Variants in DDX52 observed in about 807,000 individuals in gnomAD.
DDX52 encodes DExD-box helicase 52.
Under a neutral mutation model 76.1 loss-of-function variants are expected in DDX52, and 59 were observed. The ratio of observed to expected loss-of-function variants is 0.78; its 90% confidence interval spans 0.63 to 0.96. The LOEUF is 0.96. Ranked by LOEUF, DDX52 falls within the 40% of genes least tolerant of loss-of-function variation. DDX52 has a pLI of 0.00. For synonymous variants in DDX52, 231 were observed against 244.1 expected (o/e 0.95, Z 0.50); for missense variants, 707 against 703.9 (o/e 1.00, Z -0.05).
In DDX52 at chr17:37,642,241, T is replaced by C. The variant is rs777009856; in HGVS notation, c.155A>G (p.Lys52Arg). Residue 52 changes from lysine to arginine, a missense_variant, in exon 2 of 15, where the codon AAG (lysine) becomes AGG (arginine). Lys to Arg is a conservative substitution (Grantham distance 26). Coordinates refer to ENST00000617633, the MANE Select transcript of DDX52 (RefSeq NM_007010.5). ...VLQGLDFFGN[K>R]KSVPGVCGAS... is the part of the protein sequence containing the mutation. ...TCCACACACACCTGGGACAGACTTC[T>C]TGTTTCCAAAAAAGTCCAGTCCCTG... is the stretch of plus-strand genomic sequence containing the variant. 4 of 1,614,058 alleles carry C rather than the reference T, an allele frequency of 2.5e-6. No homozygotes were observed. The highest frequency in any genetic ancestry group is 1.3e-5 in the African/African-American group (1 of 74,918).
At chr17:37,637,625 A>G (rs2030993744) in intron 2 of DDX52, among the ~76,000 whole-genome samples, 1 of 151,278 alleles carries the variant, frequency 6.6e-6, no homozygotes, top group Non-Finnish European at 1.5e-5. Context: ...CCCAGGCTGG[A>G]GTGCAATGGC....
At chr17:37,615,845 C>G (rs546575094) in intron 14 of DDX52, among the ~76,000 whole-genome samples, 17 of 152,076 alleles carry the variant, frequency 1.1e-4, no homozygotes, top group African/African-American at 3.9e-4. Context: ...GAAACCCCGT[C>G]TCTACTAAAA....
At chr17:37,631,579 T>A (rs1394510634) in intron 4 of DDX52, 1 of 155,854 alleles carries the variant, frequency 6.4e-6, no homozygotes, top group Non-Finnish European at 1.4e-5. Flanking sequence ...TGAAACTCAC[T>A]AAACTGGGCA....
chr17:37,620,713 T>C (rs1424241396), intron 12 of DDX52, 160 bp downstream of exon 12: 1 of 567,062 alleles, frequency 1.8e-6, no homozygotes, highest in East Asian at 3.3e-5. Flanking sequence ...CAAGGCCTTT[T>C]GATCATTTTT....
intron 2 of DDX52, among the ~76,000 whole-genome samples, 162 bp from the exon 3 acceptor site, chr17:37,633,580 T>G (rs1414327404): frequency 6.6e-6 from 1 of 150,504 alleles, no homozygotes; most frequent in Non-Finnish European, 1.5e-5. Context: ...CATTTGAGCC[T>G]GGGAGGTTGA....
At chr17:37,623,551 T>C (rs2030209425) in intron 9 of DDX52, among the ~76,000 whole-genome samples, 1 of 152,232 alleles carries the variant, frequency 6.6e-6, no homozygotes, top group African/African-American at 2.4e-5. Flanking sequence ...ACTGCTTCAT[T>C]AGTCTTCAAA....
chr17:37,631,995 G>T, intron 4 of DDX52, 118 bp downstream of exon 4: 1 of 1,408,316 alleles, frequency 7.1e-7, no homozygotes, highest in Non-Finnish European at 9.9e-7. Flanking sequence ...TTAAAAGGAA[G>T]TGAAGGATTT....
At chr17:37,636,453 G>A (rs567584562) in intron 2 of DDX52, among the ~76,000 whole-genome samples, 1 of 152,216 alleles carries the variant, frequency 6.6e-6, no homozygotes, top group African/African-American at 2.4e-5. Flanking sequence ...TCTTCAAAAA[G>A]TTCATGGAAA....
rs777201658 is a variant in DDX52 at position 37,630,063 on chromosome 17, C to A, written c.714G>T (p.Leu238=). Residue 238 remains leucine, a synonymous_variant, in exon 5 of 15, where the codon CTG becomes CTT. Coordinates refer to ENST00000617633, the MANE Select transcript of DDX52 (RefSeq NM_007010.5). ...KQPANKGFRA[L]IISPTRELAS... is the part of the protein sequence containing the mutation. ...CAAGTTCTCGTGTTGGTGATATAAT[C>A]AGGGCTCTGAAGCCTTTATTTGCGG... 3 of 1,613,556 alleles carry A rather than the reference C, an allele frequency of 1.9e-6. No individual in the cohort carries two copies. In the South Asian group the frequency reaches 3.3e-5, roughly 18 times the overall value.
chr17:37,632,256 T>G lies in DDX52; in HGVS notation c.460A>C (p.Thr154Pro). 1 of 1,614,042 alleles carries G rather than the reference T, an allele frequency of 6.2e-7. No individual in the cohort carries two copies. The highest frequency in any genetic ancestry group is 8.5e-7 in the Non-Finnish European group (1 of 1,180,000). ...GTAGCAATTGGGTCAGGAAGATCGG[T>G]TCCTTGGACGTGAATTTTGTGTTTA... ...RNKHKIHVQG[T>P]DLPDPIATFQ... Residue 154 changes from threonine (T) to proline (P), a missense_variant, in exon 4 of 15, where the codon ACC becomes CCC. Transcript: ENST00000617633.
At chr17:37,624,315 C>A in intron 9 of DDX52, 29 bp downstream of exon 9, 2 of 1,580,084 alleles carry the variant, frequency 1.3e-6, no homozygotes, top group Non-Finnish European at 1.7e-6. Context: ...CAAACTTTAC[C>A]AAAATTCAAG....
intron 2 of DDX52, chr17:37,639,506 G>A: frequency 2.1e-6 from 2 of 943,442 alleles, no homozygotes; most frequent in Non-Finnish European, 2.5e-6. Context: ...GGGAGCCCAA[G>A]GTGGGTGAAT....
chr17:37,621,693 A>G (rs1306871295), intron 9 of DDX52, among the ~76,000 whole-genome samples, 173 bp from the exon 10 acceptor site: 1 of 152,102 alleles, frequency 6.6e-6, no homozygotes, highest in Non-Finnish European at 1.5e-5. Context: ...ATTCTCTCCA[A>G]TTGGTTATTT....
intron 5 of DDX52, among the ~76,000 whole-genome samples, chr17:37,629,011 A>C (rs2030536149): frequency 6.6e-6 from 1 of 152,120 alleles, no homozygotes; most frequent in Non-Finnish European, 1.5e-5. Flanking sequence ...TGAGGCCAGG[A>C]GTTCCAGACC....
Position 37,612,998 on chromosome 17 carries a change from T to G in DDX52, c.*1298A>C, listed in dbSNP as rs1478778063. ...CCAGTAGATCTTTCTTTAAATAAAT[T>G]CCGAAGATGAACAATTTTTGTCCCA... On this transcript the variant is annotated 3_prime_UTR_variant, in exon 15 of 15. Transcript: ENST00000617633. 1 of 152,140 alleles carries G rather than the reference T, an allele frequency of 6.6e-6. No individual in the cohort carries two copies. The highest frequency in any genetic ancestry group is 6.5e-5 in the Admixed American group (1 of 15,268). 9.4% of individuals were successfully genotyped at this position (152,140 alleles called of 1,614,324 possible).
chr17:37,621,514 T>C lies in DDX52; in HGVS notation c.1234A>G (p.Asn412Asp), dbSNP rs776629193. 2 of 1,608,622 alleles carry C rather than the reference T, an allele frequency of 1.2e-6. No individual in the cohort carries two copies. The highest frequency in any genetic ancestry group is 1.7e-6 in the Non-Finnish European group (2 of 1,178,710). ...AVRELVKKGF[N>D]PPVLVFVQSI... ...TGAACAAAAACAAGAACAGGTGGATTGAAACCCTAAAAGAAGACAAAAATT... is the reference window on the plus strand; with the variant it reads ...TGAACAAAAACAAGAACAGGTGGATCGAAACCCTAAAAGAAGACAAAAATT... Residue 412 changes from asparagine to aspartate, a missense_variant, in exon 10 of 15, where the codon AAT becomes GAT. By Grantham distance (23) the Asn-to-Asp change is conservative. Transcript: ENST00000617633.
intron 2 of DDX52, among the ~76,000 whole-genome samples, chr17:37,636,494 T>G (rs1006092273): frequency 6.6e-6 from 1 of 152,098 alleles, no homozygotes; most frequent in African/African-American, 2.4e-5. Context: ...ATGCAAAAAT[T>G]TCAAAATTTT....
Position 37,624,358 on chromosome 17 carries a change from C to A in DDX52, c.1213G>T (p.Glu405Ter), listed in dbSNP as rs759435597. 3.2e-5 allele frequency: 51 copies of A among 1,607,778 alleles called. No individual in the cohort carries two copies. Among genetic ancestry groups the A allele is most frequent in the East Asian group, 8.9e-5 (4 of 44,716 alleles). The change falls in exon 9 of 15, where the codon GAA becomes TAA. Residue 405 changes from glutamate to a stop codon, truncating the protein, a stop_gained. Coordinates refer to ENST00000617633, the MANE Select transcript of DDX52 (RefSeq NM_007010.5). LOFTEE classifies it high-confidence loss of function. ...SETGKLLAVR[E>*]LVKKGFNPPV... Reference sequence around the variant, plus strand: ...TACAAATATACCTTTTTAACAAGTTCTCTCACGGCCAGAAGTTTTCCGGTC... The same window carrying A: ...TACAAATATACCTTTTTAACAAGTTATCTCACGGCCAGAAGTTTTCCGGTC...
At chr17:37,634,308 A>T (rs1286705903) in intron 2 of DDX52, among the ~76,000 whole-genome samples, 1 of 152,108 alleles carries the variant, frequency 6.6e-6, no homozygotes, top group Non-Finnish European at 1.5e-5. Context: ...AACAACTAAA[A>T]AATAAATATA....
Sources: gnomAD v4.1 joint callset for allele counts (sites outside exome capture counted in the v4.1 genomes callset) on GRCh38, gnomAD v4.1.1 for gene constraint, MANE v1.5 for transcripts, NCBI Gene and HGNC (gene_info 2026-07-23, HGNC 2026-07-21) for gene names.